Variants in EFNA5 observed in about 807,000 individuals in gnomAD.
The protein encoded by EFNA5 is ephrin A5, also known as ephrin-A5.
Under a neutral mutation model 22.9 loss-of-function variants are expected in EFNA5, and 5 were observed. The ratio of observed to expected loss-of-function variants is 0.22; its 90% CI spans 0.11 to 0.46. The LOEUF (loss-of-function observed/expected upper bound fraction) is 0.46. Among genes scored for constraint, EFNA5 ranks in the 20% least tolerant of loss-of-function variants. The probability of loss-of-function intolerance (pLI) is 0.99; values close to 1 mark genes in which losing one functional copy is unlikely to be tolerated. For missense variants in EFNA5, 237 were observed against 293.3 expected (o/e 0.81, Z 1.40); for synonymous variants, 113 against 112.2 (o/e 1.01, Z -0.04).
At chr5:107,561,879 T>C (rs1171122095) in intron 1 of EFNA5, among the ~76,000 whole-genome samples, 2 of 152,176 alleles carry the variant, frequency 1.3e-5, no homozygotes, top group Non-Finnish European at 2.9e-5. Flanking sequence ...CATTTACCAC[T>C]TTAGACATGC....
At chr5:107,401,094 C>T (rs1748070206) in intron 2 of EFNA5, among the ~76,000 whole-genome samples, 1 of 152,128 alleles carries the variant, frequency 6.6e-6, no homozygotes, top group African/African-American at 2.4e-5. Context: ...AAAGGATAAC[C>T]ATCCTTTAAC....
intron 1 of EFNA5, among the ~76,000 whole-genome samples, chr5:107,539,947 GGC>G: frequency 6.6e-6 from 1 of 152,280 alleles, no homozygotes; most frequent in South Asian, 2.1e-4. Flanking sequence ...CTTAGCTGGT[GGC>G]TTCCTGCCTC....
intron 1 of EFNA5, among the ~76,000 whole-genome samples, chr5:107,639,176 G>A (rs1364793917): frequency 2.0e-5 from 3 of 152,092 alleles, no homozygotes; most frequent in African/African-American, 7.2e-5. Flanking sequence ...ACCTACATAA[G>A]TTAGAATTTT....
At chr5:107,497,834 A>G (rs2112422061) in intron 1 of EFNA5, among the ~76,000 whole-genome samples, 1 of 152,388 alleles carries the variant, frequency 6.6e-6, no homozygotes, top group Middle Eastern at 3.4e-3. Context: ...TTTGCTATTT[A>G]AAGTCATTCT....
At chr5:107,397,666 T>C (rs770929442) in intron 2 of EFNA5, among the ~76,000 whole-genome samples, 1 of 152,208 alleles carries the variant, frequency 6.6e-6, no homozygotes, top group Non-Finnish European at 1.5e-5. Flanking sequence ...TCTGGTGATA[T>C]TACAAGTATC....
intron 1 of EFNA5, among the ~76,000 whole-genome samples, chr5:107,509,244 T>C (rs1580503089): frequency 6.6e-6 from 1 of 152,214 alleles, no homozygotes; most frequent in African/African-American, 2.4e-5. Flanking sequence ...CTCTTTAAGA[T>C]GACTATTTGT....
chr5:107,418,841 C>T (rs1748578461), intron 2 of EFNA5, among the ~76,000 whole-genome samples: 6 of 152,138 alleles, frequency 3.9e-5, no homozygotes, highest in Admixed American at 3.9e-4. Context: ...CTCTATTTTC[C>T]TTTTTCACAG....
intron 1 of EFNA5, among the ~76,000 whole-genome samples, chr5:107,437,926 A>G (rs549143391): frequency 3.3e-5 from 5 of 152,224 alleles, no homozygotes; most frequent in Non-Finnish European, 7.3e-5. Context: ...TGCCTAACCA[A>G]GTAGACAACT....
chr5:107,540,885 G>A (rs544011017), intron 1 of EFNA5, among the ~76,000 whole-genome samples: 1 of 152,322 alleles, frequency 6.6e-6, no homozygotes, highest in East Asian at 1.9e-4. Context: ...GGGAGGCAGA[G>A]GCGGGTGGAT....
At chr5:107,415,192 T>TATAC (rs1561376224) in intron 2 of EFNA5, among the ~76,000 whole-genome samples, 2 of 152,226 alleles carry the variant, frequency 1.3e-5, no homozygotes, top group African/African-American at 4.8e-5. Flanking sequence ...TATATATATA[T>TATAC]ACATATGGAA....
intron 1 of EFNA5, among the ~76,000 whole-genome samples, chr5:107,494,592 C>A (rs867309098): frequency 6.6e-6 from 1 of 152,232 alleles, no homozygotes; most frequent in African/African-American, 2.4e-5. Flanking sequence ...GCACACGGCA[C>A]GGGACTGGCA....
At chr5:107,483,290 C>G (rs1041667232) in intron 1 of EFNA5, among the ~76,000 whole-genome samples, 2 of 152,270 alleles carry the variant, frequency 1.3e-5, no homozygotes, top group African/African-American at 4.8e-5. Context: ...CAGATCCACC[C>G]AGGCCCTAAT....
chr5:107,655,451 G>C (rs976797985), intron 1 of EFNA5, among the ~76,000 whole-genome samples: 14 of 152,118 alleles, frequency 9.2e-5, no homozygotes, highest in Admixed American at 3.3e-4. Flanking sequence ...AGAGTTCACA[G>C]TGTTCTTTCA....
intron 1 of EFNA5, among the ~76,000 whole-genome samples, chr5:107,517,623 C>T (rs1455942142): frequency 2.0e-5 from 3 of 152,188 alleles, no homozygotes; most frequent in Admixed American, 6.5e-5. Flanking sequence ...ATGAAAATCA[C>T]TGGGAAACAA....
At chr5:107,552,704 C>T (rs766751197) in intron 1 of EFNA5, among the ~76,000 whole-genome samples, 11 of 152,168 alleles carry the variant, frequency 7.2e-5, no homozygotes, top group Admixed American at 4.6e-4. Flanking sequence ...ATTCATGGAG[C>T]TCTCCATTTT....
chr5:107,614,138 A>G (rs1184191988), intron 1 of EFNA5, among the ~76,000 whole-genome samples: 1 of 152,104 alleles, frequency 6.6e-6, no homozygotes, highest in Non-Finnish European at 1.5e-5. Flanking sequence ...TCCCCACAAT[A>G]TCATTGCTCT....
chr5:107,670,540 G>C lies in EFNA5; in HGVS notation c.74C>G (p.Ser25Cys), dbSNP rs1294136606. The C allele has an allele frequency of 6.3e-7, 1 of 1,591,074 alleles. No individual in the cohort carries two copies. The highest frequency in any genetic ancestry group is 8.6e-7 in the Non-Finnish European group (1 of 1,168,436). Residue 25 changes from serine to cysteine, a missense_variant, in exon 1 of 5, where the codon TCC becomes TGC. Around this residue, in one of 3 missense-constraint regions of EFNA5, gnomAD observed 120 missense variants for 140.5 expected, o/e 0.85. Coordinates refer to ENST00000333274, the MANE Select transcript of EFNA5 (RefSeq NM_001962.3). Reference protein sequence around the residue: ...WMCVFSQDPGSKAVADRYAVY... With the variant: ...WMCVFSQDPGCKAVADRYAVY... ...AGCGTAGCGGTCGGCGACGGCCTTG[G>C]AGCCCGGGTCCTGGCTGAACACACA...
chr5:107,663,388 A>G (rs1294757772), intron 1 of EFNA5, among the ~76,000 whole-genome samples: 2 of 152,158 alleles, frequency 1.3e-5, no homozygotes, highest in Non-Finnish European at 2.9e-5. Flanking sequence ...CATTAATAGC[A>G]AAGCGATTTT....
At chr5:107,399,280 C>G (rs1395352495) in intron 2 of EFNA5, among the ~76,000 whole-genome samples, 1 of 142,562 alleles carries the variant, frequency 7.0e-6, no homozygotes, top group Non-Finnish European at 1.5e-5. Flanking sequence ...TGGCAAAACC[C>G]CATCTCTACT....
Sources: allele counts gnomAD v4.1 joint callset (sites outside exome capture counted in the v4.1 genomes callset), GRCh38; gene constraint gnomAD v4.1.1; regional missense constraint gnomAD v4.1.1; transcripts MANE v1.5; gene names NCBI Gene and HGNC (gene_info 2026-07-23, HGNC 2026-07-21).